Variants in RASGRF2 observed in about 807,000 individuals in gnomAD.
RASGRF2 encodes the protein ras-specific guanine nucleotide-releasing factor 2.
Under a neutral mutation model 151.0 loss-of-function variants are expected in RASGRF2, and 76 were observed. The observed-to-expected ratio is 0.50, with a 90% CI of 0.42 to 0.61. The LOEUF (loss-of-function observed/expected upper bound fraction) is 0.61, where lower values mean the gene tolerates loss of function less well. Ranked by LOEUF, RASGRF2 falls within the 20% of genes least tolerant of loss-of-function variation. RASGRF2 has a pLI of 0.00. For missense variants in RASGRF2, 1,148 were observed against 1,564.6 expected, an observed-to-expected ratio of 0.73 and a Z score of 4.49; for synonymous variants, 504 against 566.5, an observed-to-expected ratio of 0.89 and a Z score of 1.57.
intron 18 of RASGRF2, among the ~76,000 whole-genome samples, chr5:81,200,419 T>C (rs189899744): frequency 1.3e-5 from 2 of 152,370 alleles, no homozygotes; most frequent in Admixed American, 1.3e-4. Context: ...TTCATTTTGA[T>C]GCTCATATTG....
In RASGRF2 at chr5:81,073,380, C is replaced by G; in HGVS notation, c.815C>G (p.Pro272Arg). The change falls in exon 5 of 27, where the codon CCC becomes CGC. Residue 272 changes from proline to arginine, a missense_variant. Around this residue, in one of 5 missense-constraint regions of RASGRF2, gnomAD observed 176 missense variants for 309.6 expected, o/e 0.57. Transcript: ENST00000265080. ...ATCCTGGTCAATGGCTTTCTCCGGC[C>G]CCTGCGTATGGCCGCCAGCTCCAAG... Reference protein sequence around the residue: ...LYILVNGFLRPLRMAASSKKP... With the variant: ...LYILVNGFLRRLRMAASSKKP... 1 of 1,614,150 alleles carries G rather than the reference C, an allele frequency of 6.2e-7. No homozygotes were observed. The highest frequency in any genetic ancestry group is 8.5e-7 in the Non-Finnish European group (1 of 1,180,018).
intron 1 of RASGRF2, among the ~76,000 whole-genome samples, chr5:81,015,679 G>A (rs1223020215): frequency 2.4e-5 from 2 of 84,184 alleles, no homozygotes; most frequent in African/African-American, 7.9e-5. Context: ...CTTTTATATT[G>A]TTGTTGCTTC....
At chr5:81,198,417 T>TTA (rs1439120291) in intron 18 of RASGRF2, among the ~76,000 whole-genome samples, 1 of 152,010 alleles carries the variant, frequency 6.6e-6, no homozygotes, top group Non-Finnish European at 1.5e-5. Flanking sequence ...GCCTGTATCT[T>TTA]CATCCATGTT....
intron 15 of RASGRF2, among the ~76,000 whole-genome samples, chr5:81,116,512 C>T (rs10036123): frequency 0.033 from 4,965 of 152,196 alleles, 301 homozygotes; most frequent in African/African-American, 0.11. Flanking sequence ...CTTTCTAGCA[C>T]GGAGTAAACT....
intron 19 of RASGRF2, among the ~76,000 whole-genome samples, chr5:81,202,691 T>G (rs1374307627): frequency 2.0e-5 from 3 of 151,722 alleles, no homozygotes; most frequent in Non-Finnish European, 4.4e-5. Context: ...GGTACTGGAG[T>G]AGGGTGGAGG....
intron 17 of RASGRF2, among the ~76,000 whole-genome samples, chr5:81,148,328 G>A (rs1236107241): frequency 2.0e-5 from 3 of 152,016 alleles, no homozygotes; most frequent in Admixed American, 6.6e-5. Flanking sequence ...ATTGGTATGC[G>A]GCTCTCACCC....
rs139716165 is a variant in RASGRF2, at chr5:81,074,497, G to C, written c.887+1045G>C. Among the ~76,000 whole-genome samples, 910 of 152,140 alleles carry C rather than the reference G, an allele frequency of 6.0e-3. 11 individuals are homozygous for C. The highest frequency in any genetic ancestry group is 0.021 in the African/African-American group (869 of 41,494). ...ACCCGATTCCCCCCACTTTCTATAC[G>C]TAATATCTGTACTAGTTTCTTATCT... On this transcript the variant is annotated intron_variant, in intron 5 of 26. Transcript: ENST00000265080.
At chr5:80,990,939 T>C (rs767512136) in intron 1 of RASGRF2, among the ~76,000 whole-genome samples, 2 of 152,228 alleles carry the variant, frequency 1.3e-5, no homozygotes, top group Non-Finnish European at 2.9e-5. Context: ...CATAGGAGTT[T>C]GTCAATTAGA....
At chr5:81,209,090 G>GT (rs1208007925) in intron 22 of RASGRF2, among the ~76,000 whole-genome samples, 1 of 152,186 alleles carries the variant, frequency 6.6e-6, no homozygotes, top group Non-Finnish European at 1.5e-5. Context: ...CCCTGGTGGT[G>GT]TTGGTCACGG....
At chr5:81,086,774 CCTACATG>C in intron 8 of RASGRF2, 54 bp from the exon 9 acceptor site, 1 of 1,376,980 alleles carries the variant, frequency 7.3e-7, no homozygotes, top group Non-Finnish European at 1.0e-6. Flanking sequence ...CTCTTCTTTG[CCTACATG>C]CTAGGGCAAG....
intron 17 of RASGRF2, among the ~76,000 whole-genome samples, chr5:81,179,417 C>T (rs1423154317): frequency 6.6e-6 from 1 of 152,214 alleles, no homozygotes; most frequent in Non-Finnish European, 1.5e-5. Flanking sequence ...GGCAACCTAA[C>T]TTGCCAGGGT....
At position 81,113,814 on chromosome 5, in the gene RASGRF2, C is replaced by T. The variant is rs745360315; in HGVS notation, c.2364C>T (p.Leu788=). 7 of 1,614,110 alleles carry T rather than the reference C, an allele frequency of 4.3e-6. No individual in the cohort carries two copies. In the African/African-American group the frequency reaches 8.0e-5, roughly 18 times the overall value. ...PPHTGQIPLD[L]SRGLSSPEQS... is the part of the protein sequence containing the mutation. ...ACACTGGTCAGATACCACTGGATCT[C>T]AGCAGAGGCCTCTCTTCTCCAGAGC... Residue 788 remains leucine (L), a synonymous_variant, in exon 15 of 27, where the codon CTC becomes CTT. Coordinates refer to ENST00000265080, the MANE Select transcript of RASGRF2 (RefSeq NM_006909.3).
At chr5:81,033,994 G>A (rs1750370602) in intron 1 of RASGRF2, among the ~76,000 whole-genome samples, 1 of 152,184 alleles carries the variant, frequency 6.6e-6, no homozygotes, top group Admixed American at 6.5e-5. Context: ...TGAAGGATAT[G>A]AACAGACACT....
chr5:81,163,047 A>G (rs1754424650), intron 17 of RASGRF2, among the ~76,000 whole-genome samples: 1 of 152,130 alleles, frequency 6.6e-6, no homozygotes, highest in East Asian at 1.9e-4. Flanking sequence ...TCAAGAAGAC[A>G]TCAAATTAGC....
At chr5:80,987,259 C>G (rs977681263) in intron 1 of RASGRF2, among the ~76,000 whole-genome samples, 27 of 152,156 alleles carry the variant, frequency 1.8e-4, no homozygotes, top group Admixed American at 1.1e-3. Context: ...TAGGAGCTCC[C>G]ATTTGTTGAG....
intron 1 of RASGRF2, among the ~76,000 whole-genome samples, chr5:81,026,331 T>C (rs1237088261): frequency 1.3e-5 from 2 of 152,176 alleles, no homozygotes; most frequent in Middle Eastern, 3.4e-3. Flanking sequence ...TCTTCTCTAC[T>C]TAAGCTCCCT....
chr5:81,057,638 C>T (rs575889298), intron 2 of RASGRF2, among the ~76,000 whole-genome samples: 94 of 152,130 alleles, frequency 6.2e-4, no homozygotes, highest in African/African-American at 2.1e-3. Context: ...ATGATAAAAT[C>T]AGGGAAATTA....
chr5:81,145,921 G>A (rs560580688), intron 17 of RASGRF2, among the ~76,000 whole-genome samples: 5 of 152,344 alleles, frequency 3.3e-5, no homozygotes, highest in Admixed American at 6.5e-5. Context: ...TATCACAGTA[G>A]CCAGTAAACT....
intron 22 of RASGRF2, among the ~76,000 whole-genome samples, chr5:81,211,599 G>A (rs1217326200): frequency 6.6e-6 from 1 of 152,200 alleles, no homozygotes; most frequent in African/African-American, 2.4e-5. Flanking sequence ...GGCACTATGA[G>A]ATCTTAAGTG....
Sources: allele counts gnomAD v4.1 joint callset (sites outside exome capture counted in the v4.1 genomes callset), GRCh38; gene constraint gnomAD v4.1.1; regional missense constraint gnomAD v4.1.1; transcripts MANE v1.5; gene names NCBI Gene and HGNC (gene_info 2026-07-23, HGNC 2026-07-21).